Variants in UNC5B observed in about 807,000 individuals in gnomAD.
UNC5B encodes the protein unc-5 netrin receptor B.
Under a neutral mutation model 103.7 loss-of-function variants are expected in UNC5B, and 56 were observed. The ratio of observed to expected loss-of-function variants is 0.54; its 90% CI spans 0.44 to 0.67. The LOEUF (loss-of-function observed/expected upper bound fraction) is 0.67, where lower values mean the gene tolerates loss of function less well. Ranked by LOEUF, UNC5B falls within the 30% of genes least tolerant of loss-of-function variation. The pLI is 0.00. For missense variants in UNC5B, 1,194 were observed against 1,284.5 expected (o/e 0.93, Z 1.08); for synonymous variants, 577 against 542.0 (o/e 1.06, Z -0.90).
chr10:71,245,815 T>C (rs537748242), intron 1 of UNC5B, among the ~76,000 whole-genome samples: 1 of 152,290 alleles, frequency 6.6e-6, no homozygotes, highest in Admixed American at 6.5e-5. Flanking sequence ...GCTGGTGTCC[T>C]CCCGTTCCAT....
At chr10:71,295,540 C>T (rs1000461097) in intron 13 of UNC5B, among the ~76,000 whole-genome samples, 8 of 152,184 alleles carry the variant, frequency 5.3e-5, no homozygotes, top group African/African-American at 1.4e-4. Flanking sequence ...TCTTTCTAGC[C>T]ATCAATCCGT....
At chr10:71,238,435 G>T (rs562150405) in intron 1 of UNC5B, among the ~76,000 whole-genome samples, 1 of 152,188 alleles carries the variant, frequency 6.6e-6, no homozygotes, top group African/African-American at 2.4e-5. Flanking sequence ...TCTGATTAGC[G>T]ATAGGCCCTG....
chr10:71,265,618 G>A (rs998124376), intron 1 of UNC5B, among the ~76,000 whole-genome samples: 21 of 152,342 alleles, frequency 1.4e-4, no homozygotes, highest in African/African-American at 4.1e-4. Context: ...CCAGGAACAT[G>A]TCTTTGCTCT....
rs769788479 is a variant in UNC5B, at chr10:71,284,784, G to A, written c.369G>A (p.Leu123=). 3.2e-5 allele frequency: 52 copies of A among 1,613,860 alleles called. No homozygotes were observed. The South Asian group carries it at 4.4e-4, about 14-fold the overall frequency. ...SRQQVEELFG[L]EDYWCQCVAW... ...AGCAGGTGGAGGAGCTCTTTGGGCT[G>A]GAGGATTACTGGTGCCAGTGCGTGG... The change falls in exon 3 of 17, where the codon CTG becomes CTA. Residue 123 remains leucine, a synonymous_variant. Coordinates refer to ENST00000335350, the MANE Select transcript of UNC5B (RefSeq NM_170744.5).
At chr10:71,239,821 G>A (rs1843856735) in intron 1 of UNC5B, among the ~76,000 whole-genome samples, 1 of 152,154 alleles carries the variant, frequency 6.6e-6, no homozygotes, top group Non-Finnish European at 1.5e-5. Context: ...ATCTTCACAG[G>A]GTTCCCTCCT....
chr10:71,244,304 G>C (rs548124385), intron 1 of UNC5B, among the ~76,000 whole-genome samples: 10 of 152,338 alleles, frequency 6.6e-5, no homozygotes, highest in African/African-American at 1.9e-4. Context: ...TGCCTGCTGG[G>C]TAAGGGTGGC....
chr10:71,253,988 C>T (rs182403716), intron 1 of UNC5B, among the ~76,000 whole-genome samples: 4 of 152,244 alleles, frequency 2.6e-5, no homozygotes, highest in African/African-American at 4.8e-5. Context: ...GCCAGGTCCA[C>T]GCTCGCCAAC....
intron 11 of UNC5B, 63 bp from the exon 12 acceptor site, chr10:71,293,342 G>A (rs1845314811): frequency 1.4e-5 from 21 of 1,533,128 alleles, no homozygotes; most frequent in Non-Finnish European, 1.8e-5. Flanking sequence ...TGGGAGCCCA[G>A]CAGGAGCCTG....
Position 71,224,364 on chromosome 10 carries a change from G to GACACACACACAC in UNC5B, c.79+11341_79+11352dup, listed in dbSNP as rs58378731. Among the ~76,000 whole-genome samples the GACACACACACAC allele has an allele frequency of 2.9e-3, 281 of 97,338 alleles. 7 individuals are homozygous for GACACACACACAC. The highest frequency in any genetic ancestry group is 5.6e-3 in the African/African-American group (146 of 26,190). 63.9% of individuals were successfully genotyped at this position (97,338 alleles called of 152,430 possible). On this transcript the variant is annotated intron_variant, in intron 1 of 16. Coordinates refer to ENST00000335350, the MANE Select transcript of UNC5B (RefSeq NM_170744.5). ...CTGGTCCATCCCACTTCTGTATGTAGACACACACACACACACACACACACA... is the reference window on the plus strand; with the variant it reads ...CTGGTCCATCCCACTTCTGTATGTAGACACACACACACACACACACACACACACACACACACA...
chr10:71,298,696 C>T (rs909330338), intron 16 of UNC5B, among the ~76,000 whole-genome samples: 1 of 152,062 alleles, frequency 6.6e-6, no homozygotes, highest in African/African-American at 2.4e-5. Context: ...CTTTATTCCT[C>T]CTATCAGGGG....
intron 1 of UNC5B, among the ~76,000 whole-genome samples, chr10:71,228,682 A>G (rs1843620622): frequency 6.6e-6 from 1 of 152,252 alleles, no homozygotes; most frequent in African/African-American, 2.4e-5. Flanking sequence ...ACCAGACGGG[A>G]AAACATGAAA....
At chr10:71,289,102 A>C (rs1589197109) in intron 8 of UNC5B, 112 bp downstream of exon 8, 2 of 1,405,218 alleles carry the variant, frequency 1.4e-6, no homozygotes. Flanking sequence ...GTGCCTACCC[A>C]CCCCCCACGG....
In UNC5B at chr10:71,273,132, G is replaced by T. The variant is rs190191691; in HGVS notation, c.80-6689G>T. The stretch of plus-strand genomic sequence containing the variant: ...TCGAACTCCTGACCTCAGGTGATCC[G>T]CCCGCCTTGGACTTCCAAAGTGCTG... On this transcript the variant is annotated intron_variant, in intron 1 of 16. Coordinates refer to ENST00000335350, the MANE Select transcript of UNC5B (RefSeq NM_170744.5). Among the ~76,000 whole-genome samples the T allele has an allele frequency of 2.3e-3, 356 of 152,354 alleles. 1 individual carries two copies. The highest frequency in any genetic ancestry group is 7.9e-3 in the African/African-American group (330 of 41,592).
intron 5 of UNC5B, among the ~76,000 whole-genome samples, chr10:71,287,326 T>C (rs1845114657): frequency 1.3e-5 from 2 of 152,244 alleles, no homozygotes; most frequent in South Asian, 4.1e-4. Context: ...ACTCCCAGGG[T>C]GACCCTGGGG....
At chr10:71,228,017 T>C (rs1292787445) in intron 1 of UNC5B, among the ~76,000 whole-genome samples, 1 of 152,180 alleles carries the variant, frequency 6.6e-6, no homozygotes, top group African/African-American at 2.4e-5. Flanking sequence ...AATTGGCAAA[T>C]AGACCAAAGA....
In UNC5B at chr10:71,283,204, C is replaced by T. The variant is rs562000994; in HGVS notation, c.305-1516C>T. Among the ~76,000 whole-genome samples, 9 of 152,294 alleles carry T rather than the reference C, an allele frequency of 5.9e-5. No homozygotes were observed. In the South Asian group the frequency reaches 1.9e-3, roughly 32 times the overall value. On this transcript the variant is annotated intron_variant, in intron 2 of 16. Transcript: ENST00000335350. ...CAGGGAGCTGACCTCTGCTCTGCAA[C>T]AGCTTGCTAGGGGACTTGGTGCCTG...
At chr10:71,269,088 G>A (rs926926620) in intron 1 of UNC5B, among the ~76,000 whole-genome samples, 13 of 152,150 alleles carry the variant, frequency 8.5e-5, no homozygotes, top group Admixed American at 6.5e-4. Context: ...AAAGTCCTCA[G>A]TCAATAGCCT....
intron 1 of UNC5B, among the ~76,000 whole-genome samples, chr10:71,253,188 C>T (rs1844214226): frequency 6.6e-6 from 1 of 151,948 alleles, no homozygotes; most frequent in African/African-American, 2.4e-5. Context: ...ACTCCAACCT[C>T]GGGGGAACCC....
At chr10:71,293,299 G>T (rs1430887785) in intron 11 of UNC5B, 106 bp from the exon 12 acceptor site, 3 of 1,322,142 alleles carry the variant, frequency 2.3e-6, no homozygotes, top group Non-Finnish European at 3.1e-6. Flanking sequence ...GTGGCAAAGA[G>T]CTGCCCTCCA....
Sources: gnomAD v4.1 joint callset for allele counts (sites outside exome capture counted in the v4.1 genomes callset) on GRCh38, gnomAD v4.1.1 for gene constraint, MANE v1.5 for transcripts, NCBI Gene and HGNC (gene_info 2026-07-23, HGNC 2026-07-21) for gene names.